Variants in ZFHX3 observed in about 807,000 individuals in gnomAD.
ZFHX3 encodes the protein zinc finger homeobox 3.
In ZFHX3, 42 loss-of-function variants were observed where a neutral mutation model predicts 279.1. That is an observed-to-expected ratio of 0.15 (90% CI 0.12 to 0.19). ZFHX3 has a LOEUF of 0.19. ZFHX3 is among the 10% of genes least tolerant of loss of function. The pLI is 1.00. For synonymous variants in ZFHX3, 2,293 were observed against 1,957.8 expected, an observed-to-expected ratio of 1.17 and a Z score of -4.52; for missense variants, 4,981 against 4,754.0, an observed-to-expected ratio of 1.05 and a Z score of -1.40.
chr16:72,931,562 C>T (rs534723097), intron 3 of ZFHX3, among the ~76,000 whole-genome samples: 9 of 138,520 alleles, frequency 6.5e-5, no homozygotes, highest in African/African-American at 2.5e-4. Context: ...AGGGATGCAC[C>T]ATTTAAAAAA....
At chr16:73,382,758 G>T (rs1187615989) in intron 3 of ZFHX3, among the ~76,000 whole-genome samples, 1 of 152,176 alleles carries the variant, frequency 6.6e-6, no homozygotes, top group Non-Finnish European at 1.5e-5. Context: ...TTCCTTGAGG[G>T]TATGTGAGGT....
At chr16:73,832,843 GA>G (rs1961034487) in intron 1 of ZFHX3, among the ~76,000 whole-genome samples, 1 of 152,076 alleles carries the variant, frequency 6.6e-6, no homozygotes, top group South Asian at 2.1e-4. Context: ...AATATTACTA[GA>G]TTTTTTTCTC....
chr16:73,215,649 CTG>C (rs945920667), intron 5 of ZFHX3, among the ~76,000 whole-genome samples: 7 of 152,148 alleles, frequency 4.6e-5, no homozygotes, highest in African/African-American at 1.7e-4. Context: ...TCACAAACTG[CTG>C]TGTTTTCTCC....
At chr16:73,689,829 G>T (rs13333806) in intron 1 of ZFHX3, among the ~76,000 whole-genome samples, 18,010 of 140,778 alleles carry the variant, frequency 0.13, 1,248 homozygotes, top group Non-Finnish European at 0.15. Context: ...TTTTTTTGTT[G>T]TTGTTGTTTT....
chr16:73,224,692 T>C (rs1395958874), intron 5 of ZFHX3, among the ~76,000 whole-genome samples: 1 of 152,218 alleles, frequency 6.6e-6, no homozygotes, highest in Middle Eastern at 3.2e-3. Flanking sequence ...TAAAAAGATG[T>C]CTATTAGGTG....
At chr16:73,878,386 A>T (rs543790321) in intron 1 of ZFHX3, among the ~76,000 whole-genome samples, 8 of 152,178 alleles carry the variant, frequency 5.3e-5, no homozygotes, top group Non-Finnish European at 8.8e-5. Flanking sequence ...GGGTTCAGCC[A>T]AGAAGAACCT....
chr16:73,745,432 T>C (rs2053694944), intron 1 of ZFHX3, among the ~76,000 whole-genome samples: 1 of 152,202 alleles, frequency 6.6e-6, no homozygotes, highest in Non-Finnish European at 1.5e-5. Flanking sequence ...CATAGACTCC[T>C]GGGTCAGACA....
chr16:73,598,128 C>A (rs1472498964), intron 2 of ZFHX3, among the ~76,000 whole-genome samples: 1 of 152,112 alleles, frequency 6.6e-6, no homozygotes, highest in African/African-American at 2.4e-5. Flanking sequence ...GATTCCAGTG[C>A]AGTTCAGAAG....
At chr16:73,877,202 CG>C (rs34548922) in intron 1 of ZFHX3, among the ~76,000 whole-genome samples, 77 of 125,140 alleles carry the variant, frequency 6.2e-4, no homozygotes, top group Middle Eastern at 3.9e-3. Flanking sequence ...GGGGTTAGGT[CG>C]GGGGGGGGTC....
chr16:73,051,818 CCTT>C (rs1370162390), upstream of ZFHX3, among the ~76,000 whole-genome samples: 6 of 152,100 alleles, frequency 3.9e-5, no homozygotes, highest in South Asian at 2.1e-4. Flanking sequence ...CTTTCTCGCT[CCTT>C]CTTTTTTAAA....
chr16:73,843,764 C>G (rs1239077188), intron 1 of ZFHX3, among the ~76,000 whole-genome samples: 1 of 152,104 alleles, frequency 6.6e-6, no homozygotes, highest in Non-Finnish European at 1.5e-5. Flanking sequence ...AAGAGCCAGA[C>G]AGGAAAAATT....
At chr16:73,289,082 A>C (rs2014704642) in intron 4 of ZFHX3, among the ~76,000 whole-genome samples, 1 of 151,228 alleles carries the variant, frequency 6.6e-6, no homozygotes, top group Admixed American at 6.6e-5. Context: ...GGAAAGCAGA[A>C]AGTGTATGAA....
At chr16:73,774,294 TGCTTGTATAA>T (rs2054052449) in intron 1 of ZFHX3, among the ~76,000 whole-genome samples, 1 of 152,210 alleles carries the variant, frequency 6.6e-6, no homozygotes, top group African/African-American at 2.4e-5. Context: ...CCTAGCATGG[TGCTTGTATAA>T]GCTCATTAGG....
At chr16:73,217,706 C>T (rs996160507) in intron 5 of ZFHX3, among the ~76,000 whole-genome samples, 2 of 152,052 alleles carry the variant, frequency 1.3e-5, no homozygotes, top group Non-Finnish European at 2.9e-5. Context: ...TATTATTGGG[C>T]TTTGCAAGGA....
At chr16:73,113,793 C>CTTTTTTTTTTT (rs71391487) in intron 7 of ZFHX3, among the ~76,000 whole-genome samples, 1 of 102,988 alleles carries the variant, frequency 9.7e-6, no homozygotes, top group Non-Finnish European at 1.8e-5. Context: ...TTTTTGGAAA[C>CTTTTTTTTTTT]TTTTTTTTTT....
In ZFHX3 at chr16:73,451,239, A is replaced by AGG. The variant is rs1295473808; in HGVS notation, c.-1291+4762_-1291+4763dup. 3.3e-5 allele frequency among the ~76,000 whole-genome samples: 5 copies of AGG among 152,322 alleles called. No individual in the cohort carries two copies. The South Asian group carries it at 1.0e-3, about 32-fold the overall frequency. ...GTGACCCAAGCTTTCAGCTTACACT[A>AGG]GGGGATATACTAGACTTGGTAAGTG... On this transcript the variant is annotated intron_variant, in intron 3 of 17. Transcript: ENST00000641206.
chr16:73,138,841 C>G (rs1196048616), intron 6 of ZFHX3, among the ~76,000 whole-genome samples: 1 of 152,192 alleles, frequency 6.6e-6, no homozygotes, highest in Non-Finnish European at 1.5e-5. Flanking sequence ...GCACGCACCA[C>G]TATGCCTGGC....
intron 3 of ZFHX3, among the ~76,000 whole-genome samples, chr16:73,405,188 A>G (rs1332042516): frequency 6.6e-6 from 1 of 152,230 alleles, no homozygotes; most frequent in African/African-American, 2.4e-5. Flanking sequence ...GAAATAAAGA[A>G]GGACTTTGAG....
At chr16:73,091,444 GAC>G (rs1471713663) in intron 8 of ZFHX3, among the ~76,000 whole-genome samples, 1 of 152,104 alleles carries the variant, frequency 6.6e-6, no homozygotes, top group Non-Finnish European at 1.5e-5. Flanking sequence ...ATCAGCCAGG[GAC>G]TTACCTTCCT....
Sources: allele counts gnomAD v4.1 joint callset (sites outside exome capture counted in the v4.1 genomes callset), GRCh38; gene constraint gnomAD v4.1.1; transcripts MANE v1.5; gene names NCBI Gene and HGNC (gene_info 2026-07-23, HGNC 2026-07-21).